Variants in LRP1B observed in about 807,000 individuals in gnomAD.
The protein encoded by LRP1B is LDL receptor related protein 1B.
LRP1B carries 217 observed loss-of-function variants against 556.6 expected under a neutral mutation model. The observed-to-expected ratio is 0.39, with a 90% CI of 0.35 to 0.44. The LOEUF (loss-of-function observed/expected upper bound fraction) is 0.44, where lower values mean the gene tolerates loss of function less well. Among genes scored for constraint, LRP1B ranks in the 20% least tolerant of loss-of-function variants. LRP1B has a pLI of 1.00. For synonymous variants in LRP1B, 2,047 were observed against 1,865.8 expected, an observed-to-expected ratio of 1.10 and a Z score of -2.50; for missense variants, 5,053 against 5,620.8, an observed-to-expected ratio of 0.90 and a Z score of 3.23.
At chr2:140,879,641 C>A (rs992420287) in intron 25 of LRP1B, among the ~76,000 whole-genome samples, 2 of 152,060 alleles carry the variant, frequency 1.3e-5, no homozygotes, top group Non-Finnish European at 2.9e-5. Context: ...TTAACAGAAT[C>A]ATTTTTTTCC....
chr2:141,989,504 T>C (rs1330888377), intron 1 of LRP1B, among the ~76,000 whole-genome samples: 1 of 152,134 alleles, frequency 6.6e-6, no homozygotes, highest in Non-Finnish European at 1.5e-5. Context: ...TTCTATTTTA[T>C]ATTCTTTTAA....
chr2:141,727,182 A>C (rs2105510536), intron 2 of LRP1B, among the ~76,000 whole-genome samples: 1 of 152,276 alleles, frequency 6.6e-6, no homozygotes, highest in Middle Eastern at 3.4e-3. Context: ...AGAGAAAAGT[A>C]ATAGCAGATA....
At chr2:141,682,319 A>C (rs550185097) in intron 2 of LRP1B, among the ~76,000 whole-genome samples, 12 of 151,442 alleles carry the variant, frequency 7.9e-5, no homozygotes, top group African/African-American at 2.9e-4. Context: ...AGAGGAGAGG[A>C]TGTCAGGAAA....
chr2:140,465,516 A>G (rs897784194), intron 60 of LRP1B, among the ~76,000 whole-genome samples: 1 of 152,196 alleles, frequency 6.6e-6, no homozygotes, highest in African/African-American at 2.4e-5. Flanking sequence ...ACAATGCACA[A>G]TAGTCTGGCA....
intron 3 of LRP1B, among the ~76,000 whole-genome samples, chr2:141,361,285 C>A (rs761514995): frequency 1.3e-5 from 2 of 152,032 alleles, no homozygotes; most frequent in South Asian, 4.1e-4. Flanking sequence ...ATCTTTTATT[C>A]ACATTTAAAA....
intron 1 of LRP1B, among the ~76,000 whole-genome samples, chr2:141,931,017 T>G (rs1700486596): frequency 6.6e-6 from 1 of 152,046 alleles, no homozygotes; most frequent in African/African-American, 2.4e-5. Flanking sequence ...TTTCCCTTGG[T>G]GCTTACATGA....
intron 7 of LRP1B, among the ~76,000 whole-genome samples, chr2:141,116,111 T>C (rs746478615): frequency 3.9e-5 from 6 of 152,142 alleles, no homozygotes; most frequent in Non-Finnish European, 8.8e-5. Context: ...TATGTTTATT[T>C]TGACAATGTG....
intron 2 of LRP1B, among the ~76,000 whole-genome samples, chr2:141,503,387 A>G (rs1255136654): frequency 6.6e-6 from 1 of 151,546 alleles, no homozygotes; most frequent in African/African-American, 2.4e-5. Flanking sequence ...TATTCCACTT[A>G]TTTCCAACAG....
At chr2:140,999,047 C>G (rs190874716) in intron 15 of LRP1B, among the ~76,000 whole-genome samples, 17 of 152,184 alleles carry the variant, frequency 1.1e-4, no homozygotes, top group African/African-American at 3.9e-4. Flanking sequence ...TAGTTGTCTG[C>G]AGTTTATTTT....
At chr2:141,173,945 T>C (rs1008319972) in intron 7 of LRP1B, among the ~76,000 whole-genome samples, 2 of 152,084 alleles carry the variant, frequency 1.3e-5, no homozygotes, top group Admixed American at 1.3e-4. Context: ...GTTTACACTA[T>C]TTCAACTGAC....
intron 1 of LRP1B, among the ~76,000 whole-genome samples, chr2:142,015,887 G>A (rs931972897): frequency 6.6e-6 from 1 of 150,416 alleles, no homozygotes; most frequent in Admixed American, 6.7e-5. Flanking sequence ...AGCTACTCGG[G>A]AGGCTGAGGC....
chr2:141,350,783 C>A (rs1369240729), intron 3 of LRP1B, among the ~76,000 whole-genome samples: 1 of 151,954 alleles, frequency 6.6e-6, no homozygotes, highest in Non-Finnish European at 1.5e-5. Context: ...CTTGCCTGAT[C>A]AAGTCATTTC....
intron 41 of LRP1B, among the ~76,000 whole-genome samples, chr2:140,695,398 C>T (rs914911360): frequency 5.9e-5 from 9 of 152,070 alleles, no homozygotes; most frequent in African/African-American, 1.9e-4. Flanking sequence ...AGTCATTGGC[C>T]TAACAGTAGA....
chr2:141,943,822 G>T (rs1700883440), intron 1 of LRP1B, among the ~76,000 whole-genome samples: 1 of 152,122 alleles, frequency 6.6e-6, no homozygotes, highest in Non-Finnish European at 1.5e-5. Flanking sequence ...GGAAAATCCG[G>T]GTTCTTGTCA....
In LRP1B at chr2:142,130,936, G is replaced by A; in HGVS notation, c.-207C>T. On this transcript the variant is annotated 5_prime_UTR_variant, in exon 1 of 91. The change creates a new upstream start codon in the 5' untranslated region. Transcript: ENST00000389484. The stretch of plus-strand genomic sequence containing the variant: ...ATGTGGAAGGTGGAGGGATGCGCGC[G>A]TGCGGGAGAGAGGAGGCAGAGCGTG... The A allele has an allele frequency of 3.3e-6, 2 of 608,804 alleles. No homozygotes were observed. Among genetic ancestry groups the A allele is most frequent in the South Asian group, 1.8e-5 (1 of 54,280 alleles). 37.7% of individuals were successfully genotyped at this position (608,804 alleles called of 1,614,324 possible).
intron 41 of LRP1B, among the ~76,000 whole-genome samples, chr2:140,690,067 C>T (rs1686183939): frequency 6.6e-6 from 1 of 151,960 alleles, no homozygotes; most frequent in Non-Finnish European, 1.5e-5. Flanking sequence ...ACAGGAAAAG[C>T]TCATCCATCT....
chr2:141,556,420 G>C (rs1428618751), intron 2 of LRP1B, among the ~76,000 whole-genome samples: 2 of 151,908 alleles, frequency 1.3e-5, no homozygotes, highest in East Asian at 3.9e-4. Context: ...TCAATGTCCT[G>C]ATTGTTGGGA....
chr2:140,968,827 T>G (rs1231403196), intron 18 of LRP1B, among the ~76,000 whole-genome samples: 2 of 152,226 alleles, frequency 1.3e-5, no homozygotes, highest in Admixed American at 1.3e-4. Context: ...AGTTTCCATG[T>G]AGTTGAGCGG....
chr2:141,565,787 C>T (rs868598208), intron 2 of LRP1B, among the ~76,000 whole-genome samples: 22 of 152,310 alleles, frequency 1.4e-4, no homozygotes, highest in African/African-American at 5.0e-4. Context: ...TATATTTAAT[C>T]AGGAAATGAA....
Sources: allele counts gnomAD v4.1 joint callset (sites outside exome capture counted in the v4.1 genomes callset), GRCh38; gene constraint gnomAD v4.1.1; transcripts MANE v1.5; gene names NCBI Gene and HGNC (gene_info 2026-07-23, HGNC 2026-07-21).